CGREF1: variants seen among roughly 807,000 people sequenced by gnomAD.
CGREF1 encodes the protein cell growth regulator with EF-hand domain 1.
In CGREF1, 16 loss-of-function variants were observed where a neutral mutation model predicts 17.4. The observed-to-expected ratio is 0.92, with a 90% confidence interval of 0.62 to 1.40. The LOEUF (loss-of-function observed/expected upper bound fraction) is 1.40, where lower values mean the gene tolerates loss of function less well. Ranked by LOEUF, CGREF1 falls within the 40% of genes most tolerant of loss-of-function variation. The pLI, the probability that CGREF1 is intolerant of heterozygous loss-of-function variation, is 0.00. For missense variants in CGREF1, 296 were observed against 376.4 expected (o/e 0.79, Z 1.77); for synonymous variants, 142 against 154.6 (o/e 0.92, Z 0.61).
At chr2:27,100,593 C>A (rs1007451301), downstream of CGREF1, 2 of 1,261,454 alleles carry the variant, frequency 1.6e-6, no homozygotes, top group East Asian at 1.1e-4. Context: ...TGAGACAGAC[C>A]TGGATTAAAA....
chr2:27,105,848 G>T (rs1260701898), intron 1 of CGREF1, among the ~76,000 whole-genome samples: 1 of 152,164 alleles, frequency 6.6e-6, no homozygotes, highest in Admixed American at 6.5e-5. Context: ...CACTTGGCCC[G>T]TCTTCATTTT....
downstream of CGREF1, chr2:27,100,242 G>C: frequency 2.6e-6 from 1 of 391,380 alleles, no homozygotes; most frequent in East Asian, 6.8e-5. Context: ...TATTCCCACA[G>C]CTCAGAAGCT....
intron 1 of CGREF1, among the ~76,000 whole-genome samples, chr2:27,114,066 C>T (rs887303212): frequency 1.4e-4 from 21 of 146,422 alleles, no homozygotes; most frequent in Non-Finnish European, 1.3e-4. Flanking sequence ...GTGATCTCGG[C>T]TCACTGCAAC....
Position 27,101,029 on chromosome 2 carries a change from T to G in CGREF1, c.*245A>C. On this transcript the variant is annotated 3_prime_UTR_variant, in exon 6 of 6. Transcript: ENST00000402394. Reference sequence around the variant, plus strand: ...TCCTTTCGGTCCCCAACCCCGTTCCTCTGAGAGGGTCTGGGCAGGCTGGAC... The same window carrying G: ...TCCTTTCGGTCCCCAACCCCGTTCCGCTGAGAGGGTCTGGGCAGGCTGGAC... 1 of 1,307,970 alleles carries G rather than the reference T, an allele frequency of 7.6e-7. No homozygotes were observed. Among genetic ancestry groups the G allele is most frequent in the Non-Finnish European group, 9.7e-7 (1 of 1,033,506 alleles). The allele number at this position is 1,307,970 out of a possible 1,614,324, so 81.0% of individuals were successfully genotyped here. A position where few individuals can be genotyped will look rare whatever the true frequency, so the allele number is the denominator to read the frequency against.
downstream of CGREF1, chr2:27,100,460 A>C (rs779916668): frequency 7.7e-7 from 1 of 1,291,054 alleles, no homozygotes; most frequent in Non-Finnish European, 1.0e-6. Context: ...GACCCAGGAT[A>C]CAGAGTGTTG....
intron 2 of CGREF1, chr2:27,102,868 T>C (rs533271357): frequency 1.1e-6 from 1 of 926,468 alleles, no homozygotes; most frequent in African/African-American, 1.8e-5. Context: ...AGGCCACACC[T>C]AGTAGACACA....
chr2:27,118,737 G>T (rs1187616253), intron 1 of CGREF1, 109 bp downstream of exon 1: 1 of 152,376 alleles, frequency 6.6e-6, no homozygotes, highest in African/African-American at 2.4e-5. Flanking sequence ...GAGGGACTGC[G>T]CTCTCGGGAT....
downstream of CGREF1, chr2:27,099,421 G>C (rs761385266): frequency 6.2e-7 from 1 of 1,613,858 alleles, no homozygotes; most frequent in South Asian, 1.1e-5. Flanking sequence ...GTCTTGCAGG[G>C]CTGTGCTTGT....
intron 1 of CGREF1, among the ~76,000 whole-genome samples, chr2:27,116,894 TC>T (rs1558466842): frequency 5.0e-5 from 6 of 119,674 alleles, no homozygotes; most frequent in Non-Finnish European, 1.1e-4. Context: ...TCTCTCTCTC[TC>T]TCTCTCTCTC....
intron 1 of CGREF1, 200 bp from the exon 2 acceptor site, chr2:27,104,577 C>G (rs1671044113): frequency 6.4e-7 from 1 of 1,550,502 alleles, no homozygotes; most frequent in East Asian, 2.4e-5. Flanking sequence ...CACTCCAGCT[C>G]TTGTATATAA....
At chr2:27,114,903 T>TG (rs1171019386) in intron 1 of CGREF1, among the ~76,000 whole-genome samples, 14 of 152,156 alleles carry the variant, frequency 9.2e-5, no homozygotes, top group African/African-American at 1.9e-4. Flanking sequence ...ACGTTATCTT[T>TG]TTGTGTGTGT....
Position 27,102,417 on chromosome 2 carries a change from A to AGC in CGREF1, c.158_159dup (p.Tyr54AlafsTer3), listed in dbSNP as rs1235745458. ...TCTGTCCTTCCTAGTCCCTTTAGGT[A>AGC]GCTCTGCAGAAGTCTGTCAGAAAAG... On this transcript the variant is annotated frameshift_variant, in exon 4 of 6. Coordinates refer to ENST00000402394, the MANE Select transcript of CGREF1 (RefSeq NM_006569.6). LOFTEE classifies it high-confidence loss of function. 6.2e-7 allele frequency: 1 copy of AGC among 1,614,126 alleles called. No homozygotes were observed.
At chr2:27,113,064 G>A (rs970841159) in intron 1 of CGREF1, among the ~76,000 whole-genome samples, 4 of 152,188 alleles carry the variant, frequency 2.6e-5, no homozygotes, top group Non-Finnish European at 4.4e-5. Flanking sequence ...CAGGGTGCCT[G>A]GGAGGTCAGG....
intron 1 of CGREF1, among the ~76,000 whole-genome samples, chr2:27,111,956 G>T (rs532052582): frequency 6.6e-6 from 1 of 152,356 alleles, no homozygotes; most frequent in South Asian, 2.1e-4. Context: ...AGCGCGGCCA[G>T]AGTGGGCGCC....
chr2:27,101,324 G>C lies in CGREF1; in HGVS notation c.907C>G (p.Gln303Glu), dbSNP rs909504355. 59 of 1,597,830 alleles carry C rather than the reference G, an allele frequency of 3.7e-5. No homozygotes were observed. Among genetic ancestry groups the C allele is most frequent in the Non-Finnish European group, 4.7e-5 (55 of 1,171,494 alleles). ...ACAATGTGCACCTCAAAGTCATTTTGGGTGTTCTTAGACTCCAGTGTTTCC... is the reference window on the plus strand; with the variant it reads ...ACAATGTGCACCTCAAAGTCATTTTCGGTGTTCTTAGACTCCAGTGTTTCC... ...PGETLESKNT[Q>E]NDFEVHIVQV... The change falls in exon 6 of 6, where the codon CAA (glutamine) becomes GAA (glutamate). Residue 303 changes from glutamine (Q) to glutamate (E), a missense_variant. Around this residue, in one of 3 missense-constraint regions of CGREF1, gnomAD observed 40 missense variants for 40.8 expected, o/e 0.98. Coordinates refer to ENST00000402394, the MANE Select transcript of CGREF1 (RefSeq NM_006569.6).
At chr2:27,100,159 T>G (rs1168329840), downstream of CGREF1, 2 of 496,308 alleles carry the variant, frequency 4.0e-6, no homozygotes, top group African/African-American at 1.9e-5. Context: ...GGGAGGACAC[T>G]CGGTGCCCCA....
chr2:27,101,210 C>T lies in CGREF1; in HGVS notation c.*64G>A, dbSNP rs759927208. The stretch of plus-strand genomic sequence containing the variant: ...GGTCCTTGTCCCAGCGTACATTTCC[C>T]CTGCCCACTTCAGGGCTTATGTTCT... On this transcript the variant is annotated 3_prime_UTR_variant, in exon 6 of 6. Coordinates refer to ENST00000402394, the MANE Select transcript of CGREF1 (RefSeq NM_006569.6). The T allele has an allele frequency of 2.1e-4, 315 of 1,512,112 alleles. 1 individual carries two copies. The highest frequency in any genetic ancestry group is 1.1e-3 in the Admixed American group (51 of 44,446). 93.7% of individuals were successfully genotyped at this position (1,512,112 alleles called of 1,614,324 possible).
chr2:27,100,406 T>G, downstream of CGREF1: 7 of 1,288,060 alleles, frequency 5.4e-6, no homozygotes, highest in Non-Finnish European at 7.1e-6. Flanking sequence ...GTCTCACCCT[T>G]GGAGCCCACC....
At chr2:27,112,415 T>C (rs1334511913) in intron 1 of CGREF1, among the ~76,000 whole-genome samples, 2 of 152,218 alleles carry the variant, frequency 1.3e-5, no homozygotes, top group African/African-American at 4.8e-5. Context: ...AAAAACTTAA[T>C]AGCAAAACTG....
Sources: gnomAD v4.1 joint callset for allele counts (sites outside exome capture counted in the v4.1 genomes callset) on GRCh38, gnomAD v4.1.1 for gene constraint, gnomAD v4.1.1 regional missense constraint, MANE v1.5 for transcripts, NCBI Gene and HGNC (gene_info 2026-07-23, HGNC 2026-07-21) for gene names.